CSMD1: variants seen among roughly 807,000 people sequenced by gnomAD.
CSMD1 encodes CUB and sushi domain-containing protein 1.
CSMD1 carries 213 observed loss-of-function variants against 417.5 expected under a neutral mutation model. That is an observed-to-expected ratio of 0.51 (90% CI 0.46 to 0.57). The LOEUF (loss-of-function observed/expected upper bound fraction) is 0.57, where lower values mean the gene tolerates loss of function less well. Ranked by LOEUF, CSMD1 falls within the 20% of genes least tolerant of loss-of-function variation. The pLI is 0.00. For synonymous variants in CSMD1, 2,862 were observed against 1,736.8 expected (o/e 1.65, Z -16.11); for missense variants, 6,923 against 4,529.7 (o/e 1.53, Z -15.17).
At chr8:4,609,678 G>T (rs1040553683) in intron 2 of CSMD1, among the ~76,000 whole-genome samples, 2 of 152,096 alleles carry the variant, frequency 1.3e-5, no homozygotes, top group African/African-American at 4.8e-5. Flanking sequence ...TTACGCTGCA[G>T]ATTGTACAGG....
chr8:3,164,271 G>A (rs1218925997), intron 37 of CSMD1, among the ~76,000 whole-genome samples: 3 of 152,184 alleles, frequency 2.0e-5, no homozygotes, highest in Non-Finnish European at 2.9e-5. Context: ...TGAGTAGGTA[G>A]GAGGAGTGCC....
intron 3 of CSMD1, among the ~76,000 whole-genome samples, chr8:4,191,520 C>G (rs542929871): frequency 2.0e-5 from 3 of 152,218 alleles, no homozygotes; most frequent in South Asian, 4.2e-4. Flanking sequence ...AAGTGGAGGT[C>G]ACTAAAACAT....
Position 3,858,463 on chromosome 8 carries a change from A to G in CSMD1, c.819-104421T>C, listed in dbSNP as rs541319223. On this transcript the variant is annotated intron_variant, in intron 5 of 69. Transcript: ENST00000635120. ...TTCATTTAAGCCATATAAAACTACT[A>G]CTCTATCTTTAGATAATAATTCCAA... is the stretch of plus-strand genomic sequence containing the variant. Among the ~76,000 whole-genome samples, 260 of 152,206 alleles carry G rather than the reference A, an allele frequency of 1.7e-3. 1 individual carries two copies. Among genetic ancestry groups the G allele is most frequent in the Middle Eastern group, 6.8e-3 (2 of 294 alleles).
intron 1 of CSMD1, among the ~76,000 whole-genome samples, chr8:4,946,596 G>T (rs537470512): frequency 6.4e-4 from 97 of 152,266 alleles, no homozygotes; most frequent in African/African-American, 2.3e-3. Context: ...TAAATTCTAG[G>T]CTTATGTCTA....
In CSMD1 at chr8:4,440,037, A is replaced by G. The variant is rs73660807; in HGVS notation, c.303-19972T>C. 9.2e-3 allele frequency among the ~76,000 whole-genome samples: 1,396 copies of G among 152,298 alleles called. 23 individuals are homozygous for G. The highest frequency in any genetic ancestry group is 0.032 in the African/African-American group (1,316 of 41,552). ...TTTCCTAAGAGTTAAGAAGCTTAAT[A>G]TATCTAAAATAGCAGTGATCAACAG... is the stretch of plus-strand genomic sequence containing the variant. On this transcript the variant is annotated intron_variant, in intron 2 of 69. Transcript: ENST00000635120.
chr8:4,563,310 A>G (rs1439436213), intron 2 of CSMD1, among the ~76,000 whole-genome samples: 1 of 152,152 alleles, frequency 6.6e-6, no homozygotes, highest in Non-Finnish European at 1.5e-5. Flanking sequence ...CTGAAGCAGG[A>G]GAATGGCGTG....
chr8:3,626,282 A>G (rs558785684), intron 7 of CSMD1, among the ~76,000 whole-genome samples: 1 of 152,284 alleles, frequency 6.6e-6, no homozygotes, highest in African/African-American at 2.4e-5. Flanking sequence ...TGCACATTTA[A>G]GAACTCTAGA....
At chr8:4,534,470 T>C (rs1414834143) in intron 2 of CSMD1, among the ~76,000 whole-genome samples, 1 of 152,246 alleles carries the variant, frequency 6.6e-6, no homozygotes, top group Non-Finnish European at 1.5e-5. Flanking sequence ...TTGTTTTAAA[T>C]GTTGCCTTTT....
chr8:3,316,304 A>G (rs887427210), intron 23 of CSMD1, among the ~76,000 whole-genome samples: 3 of 152,184 alleles, frequency 2.0e-5, no homozygotes, highest in Non-Finnish European at 4.4e-5. Context: ...AATAAAAATA[A>G]AGGAAAATAA....
intron 3 of CSMD1, among the ~76,000 whole-genome samples, chr8:4,346,183 C>T (rs1398615660): frequency 6.6e-6 from 1 of 152,070 alleles, no homozygotes; most frequent in African/African-American, 2.4e-5. Context: ...TCAAATATGG[C>T]CTGCTAATTT....
At chr8:4,910,385 G>C (rs931524648) in intron 1 of CSMD1, among the ~76,000 whole-genome samples, 22 of 152,160 alleles carry the variant, frequency 1.4e-4, no homozygotes, top group Non-Finnish European at 2.5e-4. Context: ...AAACTGGATT[G>C]CTTATAAACA....
chr8:3,969,914 C>CA (rs141241857), intron 5 of CSMD1, among the ~76,000 whole-genome samples: 6,569 of 152,014 alleles, frequency 0.043, 184 homozygotes, highest in African/African-American at 0.083. Context: ...ACAAACAAAC[C>CA]AAAAAAATCC....
chr8:3,032,080 G>C (rs1209379441), intron 50 of CSMD1, among the ~76,000 whole-genome samples: 1 of 151,584 alleles, frequency 6.6e-6, no homozygotes, highest in African/African-American at 2.4e-5. Context: ...GGAAAGAAAC[G>C]TGTATGAGTG....
At chr8:4,375,462 G>A (rs778632254) in intron 3 of CSMD1, among the ~76,000 whole-genome samples, 78 of 152,270 alleles carry the variant, frequency 5.1e-4, no homozygotes, top group Non-Finnish European at 9.0e-4. Flanking sequence ...TCACCCGTTT[G>A]TAGTTTTACA....
intron 5 of CSMD1, among the ~76,000 whole-genome samples, chr8:3,858,958 T>A (rs1039229472): frequency 1.1e-4 from 17 of 152,190 alleles, no homozygotes; most frequent in Non-Finnish European, 4.4e-5. Flanking sequence ...GGAAGCAGAA[T>A]TAAAGTATAA....
intron 41 of CSMD1, among the ~76,000 whole-genome samples, chr8:3,135,310 A>G (rs1818012906): frequency 1.3e-5 from 2 of 152,238 alleles, no homozygotes; most frequent in South Asian, 4.1e-4. Context: ...CAAATACTTC[A>G]TTTACATAGA....
At chr8:3,969,653 G>C (rs1014873828) in intron 5 of CSMD1, among the ~76,000 whole-genome samples, 5 of 152,152 alleles carry the variant, frequency 3.3e-5, no homozygotes, top group African/African-American at 7.2e-5. Flanking sequence ...CATTTAAAAA[G>C]TGTAAAGGTT....
intron 10 of CSMD1, among the ~76,000 whole-genome samples, chr8:3,562,160 T>A (rs1585371945): frequency 6.6e-6 from 1 of 151,454 alleles, no homozygotes; most frequent in East Asian, 1.9e-4. Context: ...CCACTGTAAA[T>A]AATACAGTAG....
At chr8:4,962,253 CA>C (rs781757454) in intron 1 of CSMD1, among the ~76,000 whole-genome samples, 48 of 151,488 alleles carry the variant, frequency 3.2e-4, no homozygotes, top group Non-Finnish European at 5.7e-4. Flanking sequence ...CTCTGTCACC[CA>C]AACTGGAGTA....
Sources: allele counts gnomAD v4.1 joint callset (sites outside exome capture counted in the v4.1 genomes callset), GRCh38; gene constraint gnomAD v4.1.1; transcripts MANE v1.5; gene names NCBI Gene and HGNC (gene_info 2026-07-23, HGNC 2026-07-21).